INSR: variants seen among roughly 807,000 people sequenced by gnomAD.
The protein encoded by INSR is insulin receptor.
In INSR, 67 loss-of-function variants were observed where a neutral mutation model predicts 142.6. The ratio of observed to expected loss-of-function variants is 0.47; its 90% CI spans 0.39 to 0.58. The LOEUF is 0.58. Ranked by LOEUF, INSR falls within the 20% of genes least tolerant of loss-of-function variation. The probability of loss-of-function intolerance (pLI) is 0.00; values close to 1 mark genes in which losing one functional copy is unlikely to be tolerated. For synonymous variants in INSR, 756 were observed against 743.1 expected, an observed-to-expected ratio of 1.02 and a Z score of -0.28; for missense variants, 1,248 against 1,833.2, an observed-to-expected ratio of 0.68 and a Z score of 5.83.
Position 7,120,631 on chromosome 19 carries a change from A to T in INSR, c.3648T>A (p.Ser1216=). 1.9e-6 allele frequency: 3 copies of T among 1,614,156 alleles called. No individual in the cohort carries two copies. The highest frequency in any genetic ancestry group is 2.7e-5 in the African/African-American group (2 of 75,048). ...ESLKDGVFTT[S]SDMWSFGVVL... ...CACACACAACTCACCACATGTCAGA[A>T]GAAGTGGTGAAGACCCCATCCTTCA... is the stretch of plus-strand genomic sequence containing the variant. Residue 1216 remains serine, a synonymous_variant, in exon 20 of 22, where the codon TCT becomes TCA. Coordinates refer to ENST00000302850, the MANE Select transcript of INSR (RefSeq NM_000208.4).
chr19:7,118,799 T>C (rs12971960), intron 21 of INSR, among the ~76,000 whole-genome samples: 77,724 of 146,324 alleles, frequency 0.53, 21,409 homozygotes, highest in Admixed American at 0.61. Context: ...CCTGTAGTCC[T>C]AGCTACTCGG....
intron 2 of INSR, among the ~76,000 whole-genome samples, chr19:7,220,996 G>C (rs1975592735): frequency 6.6e-6 from 1 of 152,122 alleles, no homozygotes; most frequent in Admixed American, 6.5e-5. Context: ...AAGAGGAAGA[G>C]AGACCTGAGC....
intron 2 of INSR, among the ~76,000 whole-genome samples, chr19:7,258,389 C>A (rs768094319): frequency 1.6e-5 from 2 of 124,072 alleles, no homozygotes; most frequent in African/African-American, 2.9e-5. Context: ...CCAGCCCAGG[C>A]GACAGAGTGA....
At position 7,225,698 on chromosome 19, in the gene INSR, T is replaced by TC. The variant is rs1402777610; in HGVS notation, c.653-41062_653-41061insG. On this transcript the variant is annotated intron_variant, in intron 2 of 21. Coordinates refer to ENST00000302850, the MANE Select transcript of INSR (RefSeq NM_000208.4). The surrounding 1 kb of genome is among the most constrained non-coding windows in gnomAD (Gnocchi z 4.7). ...CTGATGATGGGCTCTTGGTTTCCAT[T>TC]TCCCCCCCCTCAAAAAAAGAGCAGA... 1.4e-4 allele frequency among the ~76,000 whole-genome samples: 8 copies of TC among 56,808 alleles called. No individual in the cohort carries two copies. Among genetic ancestry groups the TC allele is most frequent in the South Asian group, 8.2e-4 (1 of 1,222 alleles). The allele number at this position is 56,808 out of a possible 152,430, so 37.3% of individuals were successfully genotyped here.
intron 2 of INSR, among the ~76,000 whole-genome samples, chr19:7,264,070 G>A (rs950437941): frequency 6.6e-6 from 1 of 152,044 alleles, no homozygotes; most frequent in Non-Finnish European, 1.5e-5. Context: ...TCGGGAGGCT[G>A]AGGCAGGAGA....
chr19:7,164,092 TAAAAA>T (rs4031077), intron 8 of INSR, among the ~76,000 whole-genome samples: 3 of 80,272 alleles, frequency 3.7e-5, no homozygotes, highest in Non-Finnish European at 6.9e-5. Flanking sequence ...GAAACTCCGT[TAAAAA>T]AAAAAAAAAA....
intron 2 of INSR, among the ~76,000 whole-genome samples, chr19:7,196,851 G>A (rs537762211): frequency 6.6e-6 from 1 of 152,172 alleles, no homozygotes; most frequent in South Asian, 2.1e-4. Flanking sequence ...AAACGGAACA[G>A]TTGCGTCATG....
At position 7,116,700 on chromosome 19, in the gene INSR, CAAAAA is replaced by C. The variant is rs71177157; in HGVS notation, c.*351_*355del. 2.1e-3 allele frequency: 108 copies of C among 50,524 alleles called. 1 individual carries two copies. Among genetic ancestry groups the C allele is most frequent in the East Asian group, 3.7e-3 (4 of 1,074 alleles). The allele number at this position is 50,524 out of a possible 1,614,324, so 3.1% of individuals were successfully genotyped here. On this transcript the variant is annotated 3_prime_UTR_variant, in exon 22 of 22. Transcript: ENST00000302850. ...TTTTATACTGAAGCTCAGACACCAG[CAAAAA>C]AAAAAAAAAAAAAAAAGAATTTGTA...
At chr19:7,262,382 G>A (rs1238655612) in intron 2 of INSR, among the ~76,000 whole-genome samples, 1 of 152,208 alleles carries the variant, frequency 6.6e-6, no homozygotes, top group Non-Finnish European at 1.5e-5. Context: ...TGAGGCAGGA[G>A]AATCGCTTGA....
At chr19:7,233,728 T>G (rs1310453628) in intron 2 of INSR, among the ~76,000 whole-genome samples, 2 of 132,714 alleles carry the variant, frequency 1.5e-5, no homozygotes, top group African/African-American at 2.8e-5. Context: ...CAGGCTGGAG[T>G]GCAGTGGCAC....
chr19:7,262,243 A>G (rs755092151), intron 2 of INSR, among the ~76,000 whole-genome samples: 1 of 152,042 alleles, frequency 6.6e-6, no homozygotes, highest in Admixed American at 6.6e-5. Context: ...GGCCGAGGCC[A>G]GTGGATTATC....
chr19:7,169,477 G>A (rs527818919), intron 6 of INSR, among the ~76,000 whole-genome samples: 1 of 151,074 alleles, frequency 6.6e-6, no homozygotes, highest in Non-Finnish European at 1.5e-5. Context: ...TCTGGAGGCT[G>A]AGGCGAGATA....
At chr19:7,278,729 T>G (rs144479495) in intron 1 of INSR, among the ~76,000 whole-genome samples, 3,658 of 150,498 alleles carry the variant, frequency 0.024, 136 homozygotes, top group African/African-American at 0.078. Context: ...TGTGGTGGCG[T>G]GTGCCTGTAA....
intron 13 of INSR, among the ~76,000 whole-genome samples, chr19:7,134,771 A>G (rs1972867051): frequency 6.6e-6 from 1 of 152,120 alleles, no homozygotes; most frequent in Non-Finnish European, 1.5e-5. Context: ...TCAAAAAGAA[A>G]AAGAAAATGT....
intron 2 of INSR, among the ~76,000 whole-genome samples, chr19:7,209,651 C>T (rs570300827): frequency 6.8e-4 from 103 of 151,912 alleles, no homozygotes; most frequent in Middle Eastern, 3.4e-3. Flanking sequence ...TGGATTCAAG[C>T]GATCCTCCCG....
At chr19:7,220,247 T>TTTGCCTCC (rs1568494542) in intron 2 of INSR, among the ~76,000 whole-genome samples, 1 of 152,194 alleles carries the variant, frequency 6.6e-6, no homozygotes, top group African/African-American at 2.4e-5. Flanking sequence ...TAATCTTGTG[T>TTTGCCTCC]TTGCCTCCTT....
rs147752438 is a variant in INSR at position 7,143,045 on chromosome 19, C to T, written c.2313G>A (p.Thr771=). 52 of 1,614,070 alleles carry T rather than the reference C, an allele frequency of 3.2e-5. 1 individual carries two copies. The highest frequency in any genetic ancestry group is 3.1e-4 in the South Asian group (28 of 91,082). ...AAGCTGCCACCGTGGGCACGGCCAC[C>T]GTCACATTCCCAACATCGCCAAGGG... ...RRSLGDVGNV[T]VAVPTVAAFP... is the part of the protein sequence containing the mutation. The change falls in exon 12 of 22, where the codon ACG becomes ACA. Residue 771 remains threonine, a synonymous_variant. Transcript: ENST00000302850.
At position 7,191,742 on chromosome 19, in the gene INSR, T is replaced by C. The variant is rs537949748; in HGVS notation, c.653-7105A>G. Among the ~76,000 whole-genome samples the C allele has an allele frequency of 4.6e-5, 7 of 151,986 alleles. No individual in the cohort carries two copies. In the South Asian group the frequency reaches 8.3e-4, roughly 18 times the overall value. On this transcript the variant is annotated intron_variant, in intron 2 of 21. Coordinates refer to ENST00000302850, the MANE Select transcript of INSR (RefSeq NM_000208.4). The stretch of plus-strand genomic sequence containing the variant: ...TACTCGGGAGACTGAGGTGGGAGGA[T>C]TGCTACAGCCCAGGGGTTTGAGGCT...
intron 1 of INSR, among the ~76,000 whole-genome samples, chr19:7,276,398 C>T (rs1230915795): frequency 6.6e-6 from 1 of 152,108 alleles, no homozygotes; most frequent in African/African-American, 2.4e-5. Flanking sequence ...CTGCGTCGGC[C>T]TCCCAGTGTG....
Sources: allele counts gnomAD v4.1 joint callset (sites outside exome capture counted in the v4.1 genomes callset), GRCh38; gene constraint gnomAD v4.1.1; non-coding constraint Gnocchi (gnomAD v3.1); transcripts MANE v1.5; gene names NCBI Gene and HGNC (gene_info 2026-07-23, HGNC 2026-07-21).